The following SPATA18 variants were observed in gnomAD, a reference collection of about 807,000 sequenced individuals.
The protein encoded by SPATA18 is spermatogenesis associated 18.
A neutral mutation model predicts 68.1 loss-of-function variants in SPATA18; 54 were observed. The ratio of observed to expected loss-of-function variants is 0.79; its 90% confidence interval spans 0.64 to 0.99. SPATA18 has a LOEUF of 0.99. Among genes scored for constraint, SPATA18 ranks in the 50% least tolerant of loss-of-function variants. The pLI is 0.00. For synonymous variants in SPATA18, 242 were observed against 244.8 expected (o/e 0.99, Z 0.11); for missense variants, 724 against 681.1 (o/e 1.06, Z -0.70).
rs2109424544 is a variant in SPATA18, at chr4:52,062,349, T to A, written c.422+17T>A. The A allele has an allele frequency of 6.7e-7, 1 of 1,502,328 alleles. No individual in the cohort carries two copies. The highest frequency in any genetic ancestry group is 1.4e-5 in the African/African-American group (1 of 71,584). 93.1% of individuals were successfully genotyped at this position (1,502,328 alleles called of 1,614,324 possible). A position where few individuals can be genotyped will look rare whatever the true frequency, so the allele number is the denominator to read the frequency against. On this transcript the variant is annotated intron_variant, in intron 4 of 12. Transcript: ENST00000295213. ...TCAAGACGAGTAAGAGGAATGCAAG[T>A]TATCTTTTTCCAAAAAGAATTGTTT...
chr4:52,060,445 C>T lies in SPATA18; in HGVS notation c.114C>T (p.Asn38=). 2 of 1,614,006 alleles carry T rather than the reference C, an allele frequency of 1.2e-6. No individual in the cohort carries two copies. Among genetic ancestry groups the T allele is most frequent in the Non-Finnish European group, 1.7e-6 (2 of 1,179,936 alleles). ...YNTNTCDQNL[N]HCLELIEQVA... Reference sequence around the variant, plus strand: ...CAAACACGTGTGATCAAAATCTAAACCATTGCCTTGAACTCATTGAGCAAG... The same window carrying T: ...CAAACACGTGTGATCAAAATCTAAATCATTGCCTTGAACTCATTGAGCAAG... The change falls in exon 2 of 13, where the codon AAC becomes AAT. Residue 38 remains asparagine (N), a synonymous_variant. Transcript: ENST00000295213.
intron 10 of SPATA18, among the ~76,000 whole-genome samples, chr4:52,083,804 G>C (rs1419654174): frequency 6.8e-6 from 1 of 148,072 alleles, no homozygotes; most frequent in Admixed American, 6.8e-5. Context: ...GCAGTGGTAC[G>C]ATCTCAGCTC....
intron 11 of SPATA18, among the ~76,000 whole-genome samples, chr4:52,088,179 G>A (rs986383981): frequency 6.6e-5 from 10 of 152,104 alleles, no homozygotes; most frequent in Non-Finnish European, 1.3e-4. Flanking sequence ...GGGCTGAGAC[G>A]ATGCGGTTTT....
intron 11 of SPATA18, among the ~76,000 whole-genome samples, chr4:52,086,650 T>G (rs1432993622): frequency 6.6e-6 from 1 of 152,246 alleles, no homozygotes; most frequent in African/African-American, 2.4e-5. Flanking sequence ...CACATTTTCT[T>G]AATCCATTCT....
chr4:52,087,372 T>A (rs1451699095), intron 11 of SPATA18, among the ~76,000 whole-genome samples: 1 of 152,120 alleles, frequency 6.6e-6, no homozygotes, highest in Non-Finnish European at 1.5e-5. Context: ...ATTGTCCAGG[T>A]TTTCTTCTAG....
chr4:52,089,900 A>G (rs13134202), intron 11 of SPATA18, among the ~76,000 whole-genome samples: 74,934 of 151,958 alleles, frequency 0.49, 22,021 homozygotes, highest in Non-Finnish European at 0.67. Context: ...GTCTCTCACT[A>G]TTATTGTGTG....
intron 9 of SPATA18, 76 bp downstream of exon 9, chr4:52,079,995 A>G (rs7657148): frequency 0.97 from 1,455,211 of 1,502,500 alleles, 714,242 homozygotes; most frequent in East Asian, 1. Context: ...AAACAATTTA[A>G]GGAAAAGAAC....
chr4:52,070,565 A>G (rs1739734948), intron 5 of SPATA18, among the ~76,000 whole-genome samples: 2 of 151,960 alleles, frequency 1.3e-5, no homozygotes, highest in African/African-American at 2.4e-5. Context: ...GGATAGCATT[A>G]GGAGATATAC....
At chr4:52,067,422 C>T (rs1739404638) in intron 4 of SPATA18, among the ~76,000 whole-genome samples, 1 of 151,928 alleles carries the variant, frequency 6.6e-6, no homozygotes, top group Admixed American at 6.6e-5. Context: ...AATTTCTCAC[C>T]AGGGCTCTCA....
rs771065681 is a variant in SPATA18 at position 52,084,869 on chromosome 4, T to G, written c.1480-47T>G. Reference sequence around the variant, plus strand: ...CATGTTGTTTTGAGCCATGACAGTTTTCACAAACTCCTGACTATGTCTCTC... The same window carrying G: ...CATGTTGTTTTGAGCCATGACAGTTGTCACAAACTCCTGACTATGTCTCTC... On this transcript the variant is annotated intron_variant, in intron 10 of 12. Transcript: ENST00000295213. 7 of 1,591,410 alleles carry G rather than the reference T, an allele frequency of 4.4e-6. No homozygotes were observed. In the African/African-American group the frequency reaches 9.4e-5, roughly 21 times the overall value.
At chr4:52,085,696 C>T (rs1375937797) in intron 11 of SPATA18, among the ~76,000 whole-genome samples, 1 of 151,860 alleles carries the variant, frequency 6.6e-6, no homozygotes, top group African/African-American at 2.4e-5. Flanking sequence ...AACATTGTCC[C>T]TATAAAACAA....
intron 4 of SPATA18, among the ~76,000 whole-genome samples, chr4:52,068,591 A>C (rs561351896): frequency 4.2e-4 from 64 of 152,328 alleles, no homozygotes; most frequent in Non-Finnish European, 7.9e-4. Context: ...GATCTGTGGG[A>C]TTGACAGGGA....
chr4:52,067,814 T>G (rs911544376), intron 4 of SPATA18, among the ~76,000 whole-genome samples: 1 of 152,198 alleles, frequency 6.6e-6, no homozygotes, highest in Non-Finnish European at 1.5e-5. Flanking sequence ...TCTCCCCAAC[T>G]AGCCTGGAAG....
At chr4:52,090,817 AT>A (rs1741875916) in intron 11 of SPATA18, among the ~76,000 whole-genome samples, 1 of 152,006 alleles carries the variant, frequency 6.6e-6, no homozygotes, top group Admixed American at 6.5e-5. Context: ...TATTTCCTGA[AT>A]TTGGATCTTG....
chr4:52,079,708 G>T lies in SPATA18; in HGVS notation c.1180-36G>T, dbSNP rs370698365. On this transcript the variant is annotated intron_variant, in intron 8 of 12. Coordinates refer to ENST00000295213, the MANE Select transcript of SPATA18 (RefSeq NM_145263.4). The stretch of plus-strand genomic sequence containing the variant: ...GGATGTCAGAGTGTTTTTGTCACAG[G>T]CTGGTAACAAAGTGATGCCATCTTT... The T allele has an allele frequency of 1.9e-6, 3 of 1,606,026 alleles. No homozygotes were observed. In the East Asian group the frequency reaches 6.7e-5, roughly 36 times the overall value.
chr4:52,060,379 G>T, intron 1 of SPATA18, 40 bp from the exon 2 acceptor site: 1 of 1,542,760 alleles, frequency 6.5e-7, no homozygotes. Context: ...GTCCCAGAGT[G>T]AAGTAATTAC....
intron 9 of SPATA18, among the ~76,000 whole-genome samples, chr4:52,081,372 T>C (rs931134370): frequency 4.6e-5 from 7 of 152,212 alleles, no homozygotes; most frequent in Admixed American, 3.3e-4. Context: ...GGCTAACCCT[T>C]TTTCACCCTG....
At position 52,094,051 on chromosome 4, in the gene SPATA18, A is replaced by G. The variant is rs190180158; in HGVS notation, c.1564-476A>G. Among the ~76,000 whole-genome samples the G allele has an allele frequency of 2.3e-4, 35 of 152,296 alleles. No homozygotes were observed. The East Asian group carries it at 6.6e-3, about 29-fold the overall frequency. ...CAGAGCAAGGATGATGCTTGTAGCC[A>G]GTTACGCCTGACCGGCTATGTCACT... On this transcript the variant is annotated intron_variant, in intron 11 of 12. Transcript: ENST00000295213.
At chr4:52,089,708 T>C (rs935126557) in intron 11 of SPATA18, among the ~76,000 whole-genome samples, 2 of 152,240 alleles carry the variant, frequency 1.3e-5, no homozygotes, top group African/African-American at 2.4e-5. Flanking sequence ...TCCAATTATG[T>C]GGTCAATTTT....
Sources: allele counts gnomAD v4.1 joint callset (sites outside exome capture counted in the v4.1 genomes callset), GRCh38; gene constraint gnomAD v4.1.1; transcripts MANE v1.5; gene names NCBI Gene and HGNC (gene_info 2026-07-23, HGNC 2026-07-21).